Variants in KCNU1 observed in about 807,000 individuals in gnomAD.
KCNU1 encodes the protein potassium channel subfamily U member 1.
A neutral mutation model predicts 126.8 loss-of-function variants in KCNU1; 93 were observed. The observed-to-expected ratio is 0.73, with a 90% CI of 0.62 to 0.87. The LOEUF is 0.87. Ranked by LOEUF, KCNU1 falls within the 40% of genes least tolerant of loss-of-function variation. KCNU1 has a pLI of 0.00. For missense variants in KCNU1, 1,330 were observed against 1,367.1 expected, an observed-to-expected ratio of 0.97 and a Z score of 0.43; for synonymous variants, 523 against 494.2, an observed-to-expected ratio of 1.06 and a Z score of -0.77.
At position 36,877,627 on chromosome 8, in the gene KCNU1, T is replaced by G. The variant is rs562442101; in HGVS notation, c.2009+13106T>G. On this transcript the variant is annotated intron_variant, in intron 19 of 26. Transcript: ENST00000399881. The stretch of plus-strand genomic sequence containing the variant: ...CTAGTTTTTCCATTTTTAATTCTAA[T>G]CCCAAATCAAGCTACTGTCTTCTCT... 7.9e-5 allele frequency among the ~76,000 whole-genome samples: 12 copies of G among 152,216 alleles called. No individual in the cohort carries two copies. The South Asian group carries it at 2.3e-3, about 29-fold the overall frequency.
chr8:36,813,503 A>G (rs576257596), intron 7 of KCNU1, among the ~76,000 whole-genome samples: 92 of 150,568 alleles, frequency 6.1e-4, no homozygotes, highest in African/African-American at 2.0e-3. Flanking sequence ...GTTATATATA[A>G]TATATTATGT....
In KCNU1 at chr8:36,834,850, A is replaced by T; in HGVS notation, c.1277A>T (p.Asp426Val). 4 of 1,610,468 alleles carry T rather than the reference A, an allele frequency of 2.5e-6. No homozygotes were observed. The highest frequency in any genetic ancestry group is 3.4e-6 in the Non-Finnish European group (4 of 1,177,548). Residue 426 changes from aspartate to valine, a missense_variant, in exon 12 of 27, where the codon GAT becomes GTT. Asp to Val is a radical substitution (Grantham distance 152). This residue lies in a region of KCNU1 where 1,054 missense variants were observed against 1,053.9 expected (regional missense o/e 1.00). Transcript: ENST00000399881. ...NPLCSDSHAEDISNIMRVLSI... is the reference protein window; with the variant it reads ...NPLCSDSHAEVISNIMRVLSI... ...TTGTGCAGTGATTCCCATGCTGAAG[A>T]TATTTCCAACATTATGAGGTAAGAA...
At chr8:36,867,663 C>T (rs1365538145) in intron 19 of KCNU1, among the ~76,000 whole-genome samples, 7 of 152,122 alleles carry the variant, frequency 4.6e-5, no homozygotes, top group Admixed American at 3.3e-4. Flanking sequence ...GATAATCAAA[C>T]GCCACAGAAA....
intron 19 of KCNU1, among the ~76,000 whole-genome samples, chr8:36,881,098 C>G (rs187624692): frequency 1.3e-5 from 2 of 152,188 alleles, no homozygotes; most frequent in Non-Finnish European, 2.9e-5. Context: ...GCAATGTGCC[C>G]TTAGGGGTCA....
chr8:36,931,142 T>G lies in KCNU1; in HGVS notation c.2928T>G (p.Val976=), dbSNP rs766208755. The part of the protein sequence containing the change: ...LSLHETILSD[V]NPRNTFGQLF... ...TACACGAAACCATTTTATCAGACGT[T>G]AATGTGAGTCTACTCTTCTCAGAAT... is the stretch of plus-strand genomic sequence containing the variant. The change falls in exon 25 of 27, where the codon GTT becomes GTG. Residue 976 remains valine (V), a synonymous_variant. Coordinates refer to ENST00000399881, the MANE Select transcript of KCNU1 (RefSeq NM_001031836.3). 1.9e-6 allele frequency: 3 copies of G among 1,602,434 alleles called. No individual in the cohort carries two copies. The highest frequency in any genetic ancestry group is 2.6e-6 in the Non-Finnish European group (3 of 1,174,084).
chr8:36,926,760 T>A (rs1808547277), intron 24 of KCNU1, among the ~76,000 whole-genome samples: 1 of 152,120 alleles, frequency 6.6e-6, no homozygotes, highest in African/African-American at 2.4e-5. Flanking sequence ...CCCAGCTTAA[T>A]GCACTGAGAG....
intron 14 of KCNU1, among the ~76,000 whole-genome samples, chr8:36,838,880 G>A (rs932307306): frequency 6.6e-6 from 1 of 152,114 alleles, no homozygotes; most frequent in Non-Finnish European, 1.5e-5. Flanking sequence ...TCACTGAACA[G>A]CATCAGGCAA....
intron 19 of KCNU1, among the ~76,000 whole-genome samples, chr8:36,900,051 G>T (rs930982632): frequency 1.3e-5 from 2 of 152,064 alleles, no homozygotes; most frequent in African/African-American, 4.8e-5. Flanking sequence ...AAGTAACCAG[G>T]CTGCTGTCAA....
chr8:36,923,928 T>C (rs1808450988), intron 24 of KCNU1, among the ~76,000 whole-genome samples: 1 of 152,216 alleles, frequency 6.6e-6, no homozygotes, highest in African/African-American at 2.4e-5. Flanking sequence ...TGTCCAGGCA[T>C]GCCTGAGTAA....
At chr8:36,904,890 G>T (rs192831587) in intron 19 of KCNU1, among the ~76,000 whole-genome samples, 1 of 152,228 alleles carries the variant, frequency 6.6e-6, no homozygotes, top group African/African-American at 2.4e-5. Context: ...GCTGTGTTGT[G>T]TCAGGCCCTG....
Position 36,867,381 on chromosome 8 carries a change from G to A in KCNU1, c.2009+2860G>A, listed in dbSNP as rs1585483648. On this transcript the variant is annotated intron_variant, in intron 19 of 26. Coordinates refer to ENST00000399881, the MANE Select transcript of KCNU1 (RefSeq NM_001031836.3). ...GCAGCAGCTAGCCAGCCTGACGAGA[G>A]GAGAGAATGCACAGTAGAGTGCCGT... 3.3e-5 allele frequency among the ~76,000 whole-genome samples: 5 copies of A among 152,254 alleles called. 1 individual carries two copies. The highest frequency in any genetic ancestry group is 1.2e-4 in the African/African-American group (5 of 41,566).
intron 10 of KCNU1, among the ~76,000 whole-genome samples, chr8:36,829,502 T>C (rs1036005804): frequency 6.6e-6 from 1 of 151,816 alleles, no homozygotes; most frequent in Non-Finnish European, 1.5e-5. Context: ...GCATTAATAC[T>C]ACAGTCTTTT....
At chr8:36,865,805 A>G (rs566409028) in intron 19 of KCNU1, among the ~76,000 whole-genome samples, 2 of 149,042 alleles carry the variant, frequency 1.3e-5, no homozygotes, top group Admixed American at 6.7e-5. Flanking sequence ...AAAAGAATGG[A>G]TAAAGGAAAT....
In KCNU1 at chr8:36,789,271, G is replaced by A. The variant is rs146487294; in HGVS notation, c.315+1846G>A. Among the ~76,000 whole-genome samples, 381 of 152,114 alleles carry A rather than the reference G, an allele frequency of 2.5e-3. 4 individuals are homozygous for A. The highest frequency in any genetic ancestry group is 8.8e-3 in the African/African-American group (364 of 41,518). On this transcript the variant is annotated intron_variant, in intron 2 of 26. Transcript: ENST00000399881. ...CTCAGGAGGCTGCGATAGGAGGATC[G>A]CTTGAGCCCAGGTGGTCAAGGCTGC...
rs183033854 is a variant in KCNU1, at chr8:36,820,882, G to A, written c.1106+3122G>A. On this transcript the variant is annotated intron_variant, in intron 10 of 26. Transcript: ENST00000399881. Reference sequence around the variant, plus strand: ...AGTCAGGCAAAGGGGCTGCAAAGAAGCTTACAGACATTCTTCTCGGAAGCC... The same window carrying A: ...AGTCAGGCAAAGGGGCTGCAAAGAAACTTACAGACATTCTTCTCGGAAGCC... Among the ~76,000 whole-genome samples the A allele has an allele frequency of 2.3e-3, 346 of 152,312 alleles. 1 individual carries two copies. The highest frequency in any genetic ancestry group is 4.1e-3 in the Non-Finnish European group (282 of 68,024).
At chr8:36,846,171 G>T (rs775459260) in intron 18 of KCNU1, among the ~76,000 whole-genome samples, 1 of 152,164 alleles carries the variant, frequency 6.6e-6, no homozygotes. Context: ...GCCAGTTAGC[G>T]GCATCACCAA....
chr8:36,828,905 C>T (rs374278975), intron 10 of KCNU1, among the ~76,000 whole-genome samples: 1 of 152,038 alleles, frequency 6.6e-6, no homozygotes, highest in East Asian at 1.9e-4. Flanking sequence ...CATATATATA[C>T]ATACACATTC....
intron 22 of KCNU1, among the ~76,000 whole-genome samples, chr8:36,914,605 T>G (rs563146546): frequency 5.3e-5 from 8 of 152,172 alleles, no homozygotes; most frequent in Admixed American, 1.3e-4. Flanking sequence ...CGGGGGGTTT[T>G]GGGGGAGCAG....
chr8:36,841,110 C>A (rs1804942408), intron 16 of KCNU1, 107 bp downstream of exon 16: 1 of 746,390 alleles, frequency 1.3e-6, no homozygotes, highest in South Asian at 1.8e-5. Flanking sequence ...TATAACTAAG[C>A]TTTTTCCCTT....
Sources: gnomAD v4.1 joint callset for allele counts (sites outside exome capture counted in the v4.1 genomes callset) on GRCh38, gnomAD v4.1.1 for gene constraint, gnomAD v4.1.1 regional missense constraint, MANE v1.5 for transcripts, NCBI Gene and HGNC (gene_info 2026-07-23, HGNC 2026-07-21) for gene names.